The following DISC1 variants were observed in gnomAD, a reference collection of about 807,000 sequenced individuals.
The protein encoded by DISC1 is disrupted in schizophrenia 1 protein.
Under a neutral mutation model 84.5 loss-of-function variants are expected in DISC1, and 57 were observed. That is an observed-to-expected ratio of 0.67 (90% CI 0.55 to 0.84). The LOEUF is 0.84. Ranked by LOEUF, DISC1 falls within the 40% of genes least tolerant of loss-of-function variation. DISC1 has a pLI of 0.00. For synonymous variants in DISC1, 411 were observed against 415.2 expected (o/e 0.99, Z 0.12); for missense variants, 1,000 against 1,057.8 (o/e 0.95, Z 0.76).
intron 6 of DISC1, among the ~76,000 whole-genome samples, chr1:231,778,112 T>C (rs1245573596): frequency 6.6e-6 from 1 of 152,136 alleles, no homozygotes; most frequent in African/African-American, 2.4e-5. Context: ...TCTGTGTGCC[T>C]AGTGTTGCCT....
chr1:231,923,496 T>G (rs2090142023), intron 9 of DISC1, among the ~76,000 whole-genome samples: 1 of 152,144 alleles, frequency 6.6e-6, no homozygotes, highest in Admixed American at 6.5e-5. Flanking sequence ...TGGCCTTCTC[T>G]TTCTTTTTAT....
At chr1:231,662,134 G>C (rs1316655140) in intron 1 of DISC1, among the ~76,000 whole-genome samples, 1 of 152,176 alleles carries the variant, frequency 6.6e-6, no homozygotes, top group Non-Finnish European at 1.5e-5. Context: ...GAAGCTCTGT[G>C]CCAGGGGGAT....
intron 9 of DISC1, chr1:231,866,709 GA>G: frequency 7.4e-7 from 1 of 1,357,354 alleles, no homozygotes; most frequent in Non-Finnish European, 9.5e-7. Context: ...AAAAAGAAAA[GA>G]AAGCATGTCT....
chr1:231,932,964 A>G (rs191724574), intron 9 of DISC1, among the ~76,000 whole-genome samples: 1 of 152,352 alleles, frequency 6.6e-6, no homozygotes, highest in East Asian at 1.9e-4. Flanking sequence ...TACTCCTAAT[A>G]AAAACATCCA....
Position 232,039,614 on chromosome 1 carries a change from A to C in DISC1, c.*2783A>C, listed in dbSNP as rs1670697576. The C allele has an allele frequency of 6.6e-6, 1 of 152,164 alleles. No homozygotes were observed. 9.4% of individuals were successfully genotyped at this position (152,164 alleles called of 1,614,324 possible). ...CTTCTTCTGGCTACACAACCTTCTC[A>C]GGACAAGCCCACTGTCTTAAGCCAC... is the stretch of plus-strand genomic sequence containing the variant. On this transcript the variant is annotated 3_prime_UTR_variant, in exon 13 of 13. Transcript: ENST00000439617.
chr1:231,974,235 C>G (rs1371254698), intron 10 of DISC1, among the ~76,000 whole-genome samples: 1 of 152,026 alleles, frequency 6.6e-6, no homozygotes, highest in African/African-American at 2.4e-5. Flanking sequence ...GTGAGTCTCT[C>G]CCTGGATGTT....
intron 1 of DISC1, among the ~76,000 whole-genome samples, chr1:231,641,685 G>A (rs1057108435): frequency 1.6e-4 from 24 of 152,210 alleles, no homozygotes; most frequent in Non-Finnish European, 2.1e-4. Context: ...TTGACAGGGC[G>A]CTGATTGGTA....
chr1:231,877,037 G>A (rs371815219), intron 9 of DISC1, among the ~76,000 whole-genome samples: 32 of 152,312 alleles, frequency 2.1e-4, no homozygotes, highest in African/African-American at 6.7e-4. Flanking sequence ...AGAGCGGAGA[G>A]CAGACTGGGG....
chr1:231,723,931 G>A, intron 3 of DISC1: 4 of 985,444 alleles, frequency 4.1e-6, no homozygotes, highest in Non-Finnish European at 4.8e-6. Flanking sequence ...CCCTAGGTCA[G>A]TGGCTTTCAC....
chr1:231,888,401 A>G (rs968947364), intron 9 of DISC1, among the ~76,000 whole-genome samples: 3 of 152,072 alleles, frequency 2.0e-5, no homozygotes, highest in Non-Finnish European at 4.4e-5. Flanking sequence ...GAGAGGTGCC[A>G]GGAAAACCCT....
At chr1:231,717,089 C>T (rs1045601341) in intron 3 of DISC1, among the ~76,000 whole-genome samples, 1 of 152,118 alleles carries the variant, frequency 6.6e-6, no homozygotes, top group South Asian at 2.1e-4. Context: ...GTTGCTTGGC[C>T]CAGCTCCTAT....
rs902305295 is a variant in DISC1 at position 231,721,118 on chromosome 1, A to G, written c.1117+19094A>G. The G allele has an allele frequency of 1.2e-5, 16 of 1,285,650 alleles. No homozygotes were observed. The South Asian group carries it at 1.5e-4, about 12-fold the overall frequency. 79.6% of individuals were successfully genotyped at this position (1,285,650 alleles called of 1,614,324 possible). A position where few individuals can be genotyped will look rare whatever the true frequency, so the allele number is the denominator to read the frequency against. ...TGATGTCCTCATCTGCCAAATGAGT[A>G]CAATAACATTAGCTCTACCTACCTT... On this transcript the variant is annotated intron_variant, in intron 3 of 12. Transcript: ENST00000439617.
At chr1:231,690,752 T>C (rs1213502779) in intron 1 of DISC1, among the ~76,000 whole-genome samples, 1 of 152,196 alleles carries the variant, frequency 6.6e-6, no homozygotes, top group Non-Finnish European at 1.5e-5. Flanking sequence ...TCTTGCCTTA[T>C]ATGGGTTTCC....
chr1:231,864,468 C>T (rs995455657), intron 9 of DISC1, among the ~76,000 whole-genome samples: 1 of 152,092 alleles, frequency 6.6e-6, no homozygotes, highest in Non-Finnish European at 1.5e-5. Flanking sequence ...TTGAGACCAT[C>T]CTGGCTAACA....
chr1:231,781,187 C>T (rs886411171), intron 6 of DISC1, among the ~76,000 whole-genome samples: 1 of 94,944 alleles, frequency 1.1e-5, no homozygotes, highest in Non-Finnish European at 2.3e-5. Flanking sequence ...GAAATGCAGC[C>T]TCAGGAAAAA....
At chr1:231,646,860 T>C (rs555132062) in intron 1 of DISC1, among the ~76,000 whole-genome samples, 30 of 152,364 alleles carry the variant, frequency 2.0e-4, no homozygotes, top group African/African-American at 6.7e-4. Context: ...AATGTCTTCT[T>C]TTGAGAAGTT....
Position 231,898,621 on chromosome 1 carries a change from G to T in DISC1, c.1982-60207G>T, listed in dbSNP as rs114126674. On this transcript the variant is annotated intron_variant, in intron 9 of 12. Transcript: ENST00000439617. The stretch of plus-strand genomic sequence containing the variant: ...TCAACAAGTAAGGTTGGAAAGAGTT[G>T]TTGAATGTTCTACATTCACAAATAA... Among the ~76,000 whole-genome samples, 1,286 of 152,310 alleles carry T rather than the reference G, an allele frequency of 8.4e-3. 6 individuals are homozygous for T. The highest frequency in any genetic ancestry group is 0.013 in the Non-Finnish European group (888 of 68,018).
intron 1 of DISC1, among the ~76,000 whole-genome samples, chr1:231,648,311 A>G (rs374360596): frequency 6.6e-6 from 1 of 152,156 alleles, no homozygotes; most frequent in Non-Finnish European, 1.5e-5. Flanking sequence ...ATCTGTTGAG[A>G]TAATCATGTG....
At chr1:231,881,445 T>G (rs528309383) in intron 9 of DISC1, among the ~76,000 whole-genome samples, 7 of 152,282 alleles carry the variant, frequency 4.6e-5, no homozygotes, top group African/African-American at 1.4e-4. Context: ...GTATCTGTAT[T>G]AGTGTCCAAA....
Sources: gnomAD v4.1 joint callset for allele counts (sites outside exome capture counted in the v4.1 genomes callset) on GRCh38, gnomAD v4.1.1 for gene constraint, MANE v1.5 for transcripts, NCBI Gene and HGNC (gene_info 2026-07-23, HGNC 2026-07-21) for gene names.